The following PABPC4L variants were observed in gnomAD, a reference collection of about 807,000 sequenced individuals.
The protein encoded by PABPC4L is polyadenylate-binding protein 4-like.
For synonymous variants in PABPC4L, 169 were observed against 164.1 expected (o/e 1.03, Z -0.23); for missense variants, 452 against 451.4 (o/e 1.00, Z -0.01).
chr4:134,030,756 C>A, the PABPC4L span, among the ~76,000 whole-genome samples: 7 of 151,472 alleles, frequency 4.6e-5, no homozygotes, highest in African/African-American at 1.7e-4. Flanking sequence ...TTTGCATATG[C>A]CCTAAGAATA....
the PABPC4L span, among the ~76,000 whole-genome samples, chr4:134,100,589 G>A: frequency 1.3e-5 from 2 of 151,548 alleles, no homozygotes; most frequent in African/African-American, 4.8e-5. Context: ...TTTTGTAAAA[G>A]TCTAAGGAAA....
chr4:134,086,496 TACACA>T, the PABPC4L span, among the ~76,000 whole-genome samples: 1 of 151,986 alleles, frequency 6.6e-6, no homozygotes, highest in African/African-American at 2.4e-5. Context: ...TAGTAGAAGA[TACACA>T]ACACTTTTCA....
the PABPC4L span, among the ~76,000 whole-genome samples, chr4:134,186,108 T>C: frequency 6.6e-6 from 1 of 152,176 alleles, no homozygotes; most frequent in Non-Finnish European, 1.5e-5. Context: ...ATGGCCATAC[T>C]GTCCAAGGTA....
the PABPC4L span, among the ~76,000 whole-genome samples, chr4:133,985,346 A>G: frequency 1.2e-4 from 19 of 152,154 alleles, no homozygotes; most frequent in African/African-American, 4.6e-4. Context: ...TTTAATTAGC[A>G]AACAACTCCT....
chr4:134,045,379 C>A, the PABPC4L span, among the ~76,000 whole-genome samples: 6 of 152,102 alleles, frequency 3.9e-5, no homozygotes, highest in Non-Finnish European at 8.8e-5. Context: ...TTTGGAAGTG[C>A]ATAGGAAGTA....
At chr4:134,158,537 C>T in the PABPC4L span, among the ~76,000 whole-genome samples, 3 of 152,046 alleles carry the variant, frequency 2.0e-5, no homozygotes, top group Non-Finnish European at 4.4e-5. Flanking sequence ...GAACTTTAAG[C>T]GTATTAATAG....
the PABPC4L span, among the ~76,000 whole-genome samples, chr4:134,103,039 G>T: frequency 1.3e-5 from 2 of 151,464 alleles, no homozygotes; most frequent in East Asian, 3.9e-4. Flanking sequence ...CTTGAAAACT[G>T]CTCTCCATGT....
the PABPC4L span, among the ~76,000 whole-genome samples, chr4:134,054,582 CT>C: frequency 6.6e-6 from 1 of 151,828 alleles, no homozygotes; most frequent in Non-Finnish European, 1.5e-5. Flanking sequence ...TTCTTCATTT[CT>C]CTAAATTTTG....
At chr4:133,972,006 A>G in the PABPC4L span, among the ~76,000 whole-genome samples, 1 of 152,204 alleles carries the variant, frequency 6.6e-6, no homozygotes. Context: ...CAACATTCAA[A>G]TAATTTCTTC....
chr4:134,070,877 T>C, the PABPC4L span, among the ~76,000 whole-genome samples: 1 of 152,088 alleles, frequency 6.6e-6, no homozygotes, highest in Admixed American at 6.6e-5. Flanking sequence ...AGACTGGCCT[T>C]GTCTCATGGA....
the PABPC4L span, among the ~76,000 whole-genome samples, chr4:134,087,384 C>T: frequency 3.4e-3 from 522 of 152,234 alleles, 6 homozygotes; most frequent in East Asian, 0.015. Flanking sequence ...AAGTATTTGA[C>T]TCCTTTGGTC....
At chr4:134,165,259 T>G in the PABPC4L span, among the ~76,000 whole-genome samples, 3,418 of 151,882 alleles carry the variant, frequency 0.023, 129 homozygotes, top group African/African-American at 0.078. Flanking sequence ...AAAAGCAAAT[T>G]CAACAAAACC....
the PABPC4L span, among the ~76,000 whole-genome samples, chr4:134,046,605 C>T: frequency 4.6e-5 from 7 of 152,276 alleles, no homozygotes; most frequent in East Asian, 1.2e-3. Context: ...CGTTCCCTTC[C>T]CATGAGGCCA....
At chr4:134,016,765 A>G in the PABPC4L span, among the ~76,000 whole-genome samples, 1 of 152,010 alleles carries the variant, frequency 6.6e-6, no homozygotes, top group African/African-American at 2.4e-5. Context: ...TTTCCTTTCC[A>G]TCCTGGAAAA....
chr4:133,976,106 C>G, the PABPC4L span, among the ~76,000 whole-genome samples: 1 of 152,214 alleles, frequency 6.6e-6, no homozygotes, highest in Non-Finnish European at 1.5e-5. Flanking sequence ...ATGCTCTCCC[C>G]TGCCACCTTC....
the PABPC4L span, among the ~76,000 whole-genome samples, chr4:134,180,371 T>C: frequency 6.6e-6 from 1 of 151,790 alleles, no homozygotes; most frequent in African/African-American, 2.4e-5. Flanking sequence ...CACCAGAATC[T>C]CTAGTACAAA....
At chr4:134,038,158 C>T in the PABPC4L span, among the ~76,000 whole-genome samples, 9 of 152,090 alleles carry the variant, frequency 5.9e-5, no homozygotes, top group African/African-American at 2.2e-4. Flanking sequence ...AGCCTTGCAT[C>T]CCAGGGATGA....
chr4:133,992,567 T>A, the PABPC4L span, among the ~76,000 whole-genome samples: 2 of 152,030 alleles, frequency 1.3e-5, no homozygotes, highest in African/African-American at 2.4e-5. Flanking sequence ...TGAGAGTAAG[T>A]CAATCCCTCC....
the PABPC4L span, among the ~76,000 whole-genome samples, chr4:134,064,881 G>T: frequency 6.6e-6 from 1 of 151,962 alleles, no homozygotes; most frequent in African/African-American, 2.4e-5. Context: ...AGTTCTCTTA[G>T]GATACTGGCC....
Sources: gnomAD v4.1 joint callset for allele counts (sites outside exome capture counted in the v4.1 genomes callset) on GRCh38, gnomAD v4.1.1 for gene constraint, MANE v1.5 for transcripts, NCBI Gene and HGNC (gene_info 2026-07-23, HGNC 2026-07-21) for gene names.